Variants in STAU2 observed in about 807,000 individuals in gnomAD.
The protein encoded by STAU2 is double-stranded RNA-binding protein Staufen homolog 2.
In STAU2, 20 loss-of-function variants were observed where a neutral mutation model predicts 65.9. The observed-to-expected ratio is 0.30, with a 90% CI of 0.21 to 0.44. The LOEUF (loss-of-function observed/expected upper bound fraction) is 0.44, where lower values mean the gene tolerates loss of function less well. Ranked by LOEUF, STAU2 falls within the 20% of genes least tolerant of loss-of-function variation. The pLI, the probability that STAU2 is intolerant of heterozygous loss-of-function variation, is 1.00. For missense variants in STAU2, 558 were observed against 683.9 expected, an observed-to-expected ratio of 0.82 and a Z score of 2.05; for synonymous variants, 232 against 233.9, an observed-to-expected ratio of 0.99 and a Z score of 0.07.
intron 11 of STAU2, 132 bp downstream of exon 11, chr8:73,595,034 G>T: frequency 1.6e-6 from 1 of 620,620 alleles, no homozygotes; most frequent in Non-Finnish European, 2.6e-6. Flanking sequence ...TTTTGTGCTT[G>T]GATCATCTAT....
intron 11 of STAU2, among the ~76,000 whole-genome samples, chr8:73,589,372 A>G (rs1810606890): frequency 1.3e-5 from 2 of 152,210 alleles, no homozygotes; most frequent in African/African-American, 4.8e-5. Flanking sequence ...CTGCCAAAAC[A>G]CAGGGAAGTC....
intron 5 of STAU2, among the ~76,000 whole-genome samples, chr8:73,683,906 G>A (rs1438176306): frequency 3.9e-5 from 6 of 152,142 alleles, no homozygotes; most frequent in Non-Finnish European, 8.8e-5. Context: ...AATGAAGAAG[G>A]TGGAAAGAAC....
intron 4 of STAU2, among the ~76,000 whole-genome samples, chr8:73,692,432 G>A (rs1253941850): frequency 6.6e-6 from 1 of 152,010 alleles, no homozygotes; most frequent in South Asian, 2.1e-4. Context: ...TCTTGACCTC[G>A]TGATCCACCC....
rs1296346763 is a variant in STAU2 at position 73,577,456 on chromosome 8, T to TATATAG, written c.1222+5313_1222+5314insCTATAT. On this transcript the variant is annotated intron_variant, in intron 12 of 14. Transcript: ENST00000524300. ...AAAAAAAAAATTATATATATATATA[T>TATATAG]ACACACACATATATATAATATTTAT... Among the ~76,000 whole-genome samples the TATATAG allele has an allele frequency of 2.0e-5, 3 of 150,284 alleles. No individual in the cohort carries two copies. In the South Asian group the frequency reaches 6.2e-4, roughly 31 times the overall value.
intron 13 of STAU2, among the ~76,000 whole-genome samples, chr8:73,502,268 GA>G (rs11433477): frequency 3.3e-5 from 5 of 151,544 alleles, no homozygotes; most frequent in African/African-American, 9.7e-5. Flanking sequence ...AGAAGCACCA[GA>G]AAAAAAATTC....
At chr8:73,491,612 A>T (rs537230049) in intron 13 of STAU2, among the ~76,000 whole-genome samples, 2 of 152,098 alleles carry the variant, frequency 1.3e-5, no homozygotes, top group South Asian at 4.1e-4. Flanking sequence ...AACTAAAAAA[A>T]TTAGCTAAGT....
intron 6 of STAU2, among the ~76,000 whole-genome samples, chr8:73,635,367 TTC>T (rs1244144985): frequency 6.6e-6 from 1 of 152,190 alleles, no homozygotes; most frequent in African/African-American, 2.4e-5. Flanking sequence ...TAGGATGCAT[TTC>T]TCTCCCTTTT....
At chr8:73,516,701 T>C (rs1563397199) in intron 13 of STAU2, among the ~76,000 whole-genome samples, 1 of 152,256 alleles carries the variant, frequency 6.6e-6, no homozygotes, top group East Asian at 1.9e-4. Flanking sequence ...GGTTACCGCT[T>C]TTCAGTTTTA....
chr8:73,594,126 T>C (rs577942091), intron 11 of STAU2, among the ~76,000 whole-genome samples: 5 of 152,272 alleles, frequency 3.3e-5, no homozygotes, highest in South Asian at 4.1e-4. Context: ...ACAACATATA[T>C]ACAATATAAG....
At chr8:73,479,290 TAATTTGTCTG>T (rs1324513361) in intron 13 of STAU2, among the ~76,000 whole-genome samples, 1 of 152,130 alleles carries the variant, frequency 6.6e-6, no homozygotes, top group African/African-American at 2.4e-5. Context: ...ATTTTTTAAA[TAATTTGTCTG>T]AATTTTAGAT....
intron 4 of STAU2, among the ~76,000 whole-genome samples, chr8:73,708,149 T>G (rs1277618167): frequency 6.6e-6 from 1 of 152,192 alleles, no homozygotes; most frequent in Non-Finnish European, 1.5e-5. Flanking sequence ...AAATCCTTCA[T>G]AAAAACCATT....
intron 11 of STAU2, among the ~76,000 whole-genome samples, chr8:73,586,444 A>T (rs1399631379): frequency 6.6e-6 from 1 of 152,110 alleles, no homozygotes; most frequent in East Asian, 1.9e-4. Context: ...GGAGAGGCTA[A>T]AACAGAGAGG....
intron 6 of STAU2, among the ~76,000 whole-genome samples, chr8:73,672,019 C>G (rs760547953): frequency 1.1e-4 from 16 of 150,374 alleles, no homozygotes; most frequent in Non-Finnish European, 1.9e-4. Flanking sequence ...AGTGAGACTG[C>G]GTCTCAAAAA....
intron 13 of STAU2, among the ~76,000 whole-genome samples, chr8:73,546,118 GTTTTCTT>G (rs1806903935): frequency 1.1e-5 from 1 of 94,908 alleles, no homozygotes; most frequent in Admixed American, 1.3e-4. Flanking sequence ...TTTTTGTTTG[GTTTTCTT>G]TTTTTTTTTT....
chr8:73,571,370 T>C (rs935616172), intron 12 of STAU2, among the ~76,000 whole-genome samples: 21 of 152,130 alleles, frequency 1.4e-4, no homozygotes, highest in African/African-American at 4.3e-4. Context: ...AATCCAGGAA[T>C]TGAATTCAGC....
intron 12 of STAU2, among the ~76,000 whole-genome samples, chr8:73,553,416 A>G (rs928435416): frequency 2.6e-5 from 4 of 152,220 alleles, no homozygotes; most frequent in African/African-American, 9.6e-5. Flanking sequence ...TGGTCCCCAA[A>G]TAAAATGGTT....
At chr8:73,608,801 C>T (rs1472616290) in intron 9 of STAU2, among the ~76,000 whole-genome samples, 1 of 151,806 alleles carries the variant, frequency 6.6e-6, no homozygotes, top group Non-Finnish European at 1.5e-5. Context: ...ACCAGCCTGG[C>T]CGACATGGTG....
intron 9 of STAU2, 123 bp downstream of exon 9, chr8:73,613,621 C>A: frequency 3.1e-6 from 2 of 640,526 alleles, no homozygotes; most frequent in Non-Finnish European, 5.0e-6. Flanking sequence ...CATGTCCTGC[C>A]CTCATTTCAG....
intron 13 of STAU2, among the ~76,000 whole-genome samples, chr8:73,472,618 T>G (rs1451155065): frequency 1.3e-5 from 2 of 152,098 alleles, no homozygotes; most frequent in Admixed American, 6.5e-5. Context: ...ATGTTCAACA[T>G]GCCAAAGAAA....
Sources: allele counts gnomAD v4.1 joint callset (sites outside exome capture counted in the v4.1 genomes callset), GRCh38; gene constraint gnomAD v4.1.1; transcripts MANE v1.5; gene names NCBI Gene and HGNC (gene_info 2026-07-23, HGNC 2026-07-21).